TBC1D14: variants seen among roughly 807,000 people sequenced by gnomAD.
The protein encoded by TBC1D14 is TBC1 domain family member 14.
A neutral mutation model predicts 79.0 loss-of-function variants in TBC1D14; 26 were observed. The observed-to-expected ratio is 0.33, with a 90% CI of 0.24 to 0.46. TBC1D14 has a LOEUF of 0.46. TBC1D14 is among the 20% of genes least tolerant of loss of function. TBC1D14 has a pLI of 1.00. For synonymous variants in TBC1D14, 394 were observed against 349.9 expected (o/e 1.13, Z -1.40); for missense variants, 769 against 887.6 (o/e 0.87, Z 1.70).
intron 1 of TBC1D14, among the ~76,000 whole-genome samples, chr4:6,911,235 T>C (rs757036624): frequency 6.6e-6 from 1 of 152,164 alleles, no homozygotes; most frequent in Non-Finnish European, 1.5e-5. Flanking sequence ...GCAATCCTAA[T>C]GAGATCCCCA....
At chr4:6,988,300 A>T (rs983834684) in intron 3 of TBC1D14, among the ~76,000 whole-genome samples, 8 of 152,266 alleles carry the variant, frequency 5.3e-5, no homozygotes, top group Admixed American at 2.0e-4. Context: ...ATTTCATAGT[A>T]TATAGTGACA....
chr4:6,953,004 GCTAA>G (rs1202587380), intron 2 of TBC1D14, among the ~76,000 whole-genome samples: 9 of 146,112 alleles, frequency 6.2e-5, no homozygotes, highest in Non-Finnish European at 9.0e-5. Flanking sequence ...GTCACGCCTA[GCTAA>G]CTATTTTTTT....
rs866865024 is a variant in TBC1D14 at position 7,013,742 on chromosome 4, A to G, written c.1648-706A>G. Among the ~76,000 whole-genome samples, 258 of 67,564 alleles carry G rather than the reference A, an allele frequency of 3.8e-3. 1 individual carries two copies. The highest frequency in any genetic ancestry group is 6.4e-3 in the Admixed American group (34 of 5,302). 44.3% of individuals were successfully genotyped at this position (67,564 alleles called of 152,430 possible). A position where few individuals can be genotyped will look rare whatever the true frequency, so the allele number is the denominator to read the frequency against. On this transcript the variant is annotated intron_variant, in intron 11 of 13. Coordinates refer to ENST00000409757, the MANE Select transcript of TBC1D14 (RefSeq NM_020773.3). Reference sequence around the variant, plus strand: ...ACGAGGCATGCCTGCTTTTCCAGATACTTTTTTTTTTTTTTTTATGAGATG... The same window carrying G: ...ACGAGGCATGCCTGCTTTTCCAGATGCTTTTTTTTTTTTTTTTATGAGATG...
intron 3 of TBC1D14, among the ~76,000 whole-genome samples, chr4:6,989,635 T>C (rs895197836): frequency 2.0e-5 from 3 of 152,202 alleles, no homozygotes; most frequent in African/African-American, 7.2e-5. Flanking sequence ...GAGTGAGCCC[T>C]GCTGGGTTGG....
rs761834899 is a variant in TBC1D14 at position 6,981,022 on chromosome 4, C to CTTT, written c.844-13145_844-13143dup. Among the ~76,000 whole-genome samples, 7 of 128,126 alleles carry CTTT rather than the reference C, an allele frequency of 5.5e-5. 1 individual carries two copies. Among genetic ancestry groups the CTTT allele is most frequent in the South Asian group, 5.1e-4 (2 of 3,960 alleles). 84.1% of individuals were successfully genotyped at this position (128,126 alleles called of 152,430 possible). A position where few individuals can be genotyped will look rare whatever the true frequency, so the allele number is the denominator to read the frequency against. On this transcript the variant is annotated intron_variant, in intron 3 of 13. Coordinates refer to ENST00000409757, the MANE Select transcript of TBC1D14 (RefSeq NM_020773.3). Reference sequence around the variant, plus strand: ...GAGCCACCGCGCCCGGCCTCTGTCTCTTTTTTTTTTTTTTTTTTTAAAGAC... The same window carrying CTTT: ...GAGCCACCGCGCCCGGCCTCTGTCTCTTTTTTTTTTTTTTTTTTTTTTAAAGAC...
chr4:6,964,097 C>T (rs1715488170), intron 2 of TBC1D14, among the ~76,000 whole-genome samples: 1 of 152,156 alleles, frequency 6.6e-6, no homozygotes, highest in Admixed American at 6.6e-5. Context: ...TGCCCAGCCA[C>T]AACTTTGATT....
In TBC1D14 at chr4:6,957,289, A is replaced by T. The variant is rs1714733990; in HGVS notation, c.723-10015A>T. ...TATTTTCCTTGGAACACTATCACCA[A>T]TCTCACGTTGAAGCAGTGGGTGATG... On this transcript the variant is annotated intron_variant, in intron 2 of 13. Transcript: ENST00000409757. 1.3e-5 allele frequency among the ~76,000 whole-genome samples: 2 copies of T among 152,246 alleles called. 1 individual carries two copies. Among genetic ancestry groups the T allele is most frequent in the South Asian group, 4.1e-4 (2 of 4,836 alleles).
At chr4:7,012,227 G>A (rs1720850717) in intron 11 of TBC1D14, among the ~76,000 whole-genome samples, 1 of 151,694 alleles carries the variant, frequency 6.6e-6, no homozygotes, top group Admixed American at 6.6e-5. Flanking sequence ...GCGTGAACCT[G>A]GGAGGCAGAG....
intron 3 of TBC1D14, among the ~76,000 whole-genome samples, chr4:6,978,852 T>C (rs1717095398): frequency 6.7e-6 from 1 of 149,110 alleles, no homozygotes; most frequent in Non-Finnish European, 1.5e-5. Context: ...TGAGATTGAT[T>C]TGGGGAACGT....
intron 13 of TBC1D14, among the ~76,000 whole-genome samples, chr4:7,025,701 AC>A (rs1432420744): frequency 2.0e-4 from 30 of 152,146 alleles, no homozygotes; most frequent in Admixed American, 1.3e-3. Flanking sequence ...AAGTGGGATT[AC>A]CCCCCTCTTA....
At chr4:6,979,402 G>A (rs1009889519) in intron 3 of TBC1D14, among the ~76,000 whole-genome samples, 3 of 152,126 alleles carry the variant, frequency 2.0e-5, no homozygotes, top group African/African-American at 7.2e-5. Flanking sequence ...CGAGGCAGAC[G>A]ATTACTTGAA....
At chr4:7,014,594 C>A in intron 12 of TBC1D14, 37 bp downstream of exon 12, 1 of 1,421,844 alleles carries the variant, frequency 7.0e-7, no homozygotes, top group Admixed American at 1.7e-5. Flanking sequence ...CAGAGCATTT[C>A]TCAGCCCTTG....
intron 2 of TBC1D14, among the ~76,000 whole-genome samples, chr4:6,949,214 C>G (rs1430832668): frequency 1.3e-5 from 2 of 152,084 alleles, no homozygotes; most frequent in Non-Finnish European, 1.5e-5. Context: ...CCTGTAATCC[C>G]AGCACTTGGG....
At chr4:6,984,200 G>A (rs779610616) in intron 3 of TBC1D14, among the ~76,000 whole-genome samples, 6 of 152,284 alleles carry the variant, frequency 3.9e-5, no homozygotes, top group East Asian at 3.9e-4. Context: ...ACAGTCAGTC[G>A]TGTGGACTTA....
intron 11 of TBC1D14, among the ~76,000 whole-genome samples, chr4:7,012,023 G>A (rs1577169130): frequency 6.6e-6 from 1 of 151,946 alleles, no homozygotes; most frequent in Non-Finnish European, 1.5e-5. Context: ...TTGGTTGGCC[G>A]GGCATGGTGG....
chr4:6,989,217 C>A (rs976224018), intron 3 of TBC1D14, among the ~76,000 whole-genome samples: 5 of 152,134 alleles, frequency 3.3e-5, no homozygotes, highest in Non-Finnish European at 5.9e-5. Flanking sequence ...GAATGTAGAC[C>A]CTGCCCCTGG....
At position 7,031,849 on chromosome 4, in the gene TBC1D14, G is replaced by C. The variant is rs559357770; in HGVS notation, c.*1457G>C. 4 of 152,442 alleles carry C rather than the reference G, an allele frequency of 2.6e-5. No individual in the cohort carries two copies. In the South Asian group the frequency reaches 8.3e-4, roughly 32 times the overall value. 9.4% of individuals were successfully genotyped at this position (152,442 alleles called of 1,614,324 possible). A position where few individuals can be genotyped will look rare whatever the true frequency, so the allele number is the denominator to read the frequency against. On this transcript the variant is annotated 3_prime_UTR_variant, in exon 14 of 14. Transcript: ENST00000409757. ...CTGATGTTGAGGGCTGTTTGGCTCTGTCTGTATAGCTTGTAACAGGAGCCT... is the reference window on the plus strand; with the variant it reads ...CTGATGTTGAGGGCTGTTTGGCTCTCTCTGTATAGCTTGTAACAGGAGCCT...
At chr4:6,910,258 C>T (rs1722865012) in intron 1 of TBC1D14, 1 of 152,070 alleles carries the variant, frequency 6.6e-6, no homozygotes, top group Non-Finnish European at 1.5e-5. Context: ...GAAAAGTTTT[C>T]CTACTCCGAC....
intron 2 of TBC1D14, among the ~76,000 whole-genome samples, chr4:6,933,879 G>A (rs1304029771): frequency 6.6e-6 from 1 of 152,202 alleles, no homozygotes; most frequent in Non-Finnish European, 1.5e-5. Context: ...CAGACAAGAG[G>A]TGATGATGGC....
Sources: allele counts gnomAD v4.1 joint callset (sites outside exome capture counted in the v4.1 genomes callset), GRCh38; gene constraint gnomAD v4.1.1; transcripts MANE v1.5; gene names NCBI Gene and HGNC (gene_info 2026-07-23, HGNC 2026-07-21).